SLC26A2: variants seen among roughly 807,000 people sequenced by gnomAD.
SLC26A2 encodes solute carrier family 26 member 2, also known as sulfate transporter.
A neutral mutation model predicts 41.1 loss-of-function variants in SLC26A2; 36 were observed. That is an observed-to-expected ratio of 0.88 (90% CI 0.67 to 1.16). The LOEUF is 1.16. Among genes scored for constraint, SLC26A2 ranks in the 50% most tolerant of loss-of-function variants. The pLI is 0.00. For missense variants in SLC26A2, 796 were observed against 869.6 expected, an observed-to-expected ratio of 0.92 and a Z score of 1.07; for synonymous variants, 291 against 311.6, an observed-to-expected ratio of 0.93 and a Z score of 0.70.
At position 149,980,913 on chromosome 5, in the gene SLC26A2, T is replaced by C. The variant is rs1384352348; in HGVS notation, c.1320T>C (p.Leu440=). 1 of 1,614,066 alleles carries C rather than the reference T, an allele frequency of 6.2e-7. No homozygotes were observed. Among genetic ancestry groups the C allele is most frequent in the African/African-American group, 1.3e-5 (1 of 74,932 alleles). The change falls in exon 3 of 3, where the codon CTT becomes CTC. Residue 440 remains leucine, a synonymous_variant. Coordinates refer to ENST00000286298, the MANE Select transcript of SLC26A2 (RefSeq NM_000112.4). The stretch of plus-strand genomic sequence containing the variant: ...ACTGTTTTACTACTAGTGCAGCTCT[T>C]GCAAAGACATTGGTTAAAGAATCAA... ...FFHCFTTSAA[L]AKTLVKESTG...
rs543222077 is a variant in SLC26A2 at position 149,986,143 on chromosome 5, T to C, written c.*4330T>C. 1.2e-4 allele frequency: 18 copies of C among 152,294 alleles called. No individual in the cohort carries two copies. The highest frequency in any genetic ancestry group is 2.2e-4 in the Non-Finnish European group (15 of 68,022). 9.4% of individuals were successfully genotyped at this position (152,294 alleles called of 1,614,324 possible). A position where few individuals can be genotyped will look rare whatever the true frequency, so the allele number is the denominator to read the frequency against. ...TGGATTTAGGAAGCTGTTAGATCAT[T>C]GAGTGGTGTTGAGAGTGAAGTTTCA... is the stretch of plus-strand genomic sequence containing the variant. On this transcript the variant is annotated 3_prime_UTR_variant, in exon 3 of 3. Transcript: ENST00000286298.
At chr5:149,980,237 A>G in intron 2 of SLC26A2, 56 bp from the exon 3 acceptor site, 1 of 1,391,054 alleles carries the variant, frequency 7.2e-7, no homozygotes, top group Non-Finnish European at 1.0e-6. Flanking sequence ...AGGATAATAT[A>G]AAATTTAGAA....
Position 149,983,507 on chromosome 5 carries a change from T to A in SLC26A2, c.*1694T>A, listed in dbSNP as rs1272380800. The A allele has an allele frequency of 2.0e-5, 3 of 152,212 alleles. No homozygotes were observed. Among genetic ancestry groups the A allele is most frequent in the Non-Finnish European group, 4.4e-5 (3 of 68,040 alleles). The allele number at this position is 152,212 out of a possible 1,614,324, so 9.4% of individuals were successfully genotyped here. A position where few individuals can be genotyped will look rare whatever the true frequency, so the allele number is the denominator to read the frequency against. On this transcript the variant is annotated 3_prime_UTR_variant, in exon 3 of 3. Transcript: ENST00000286298. ...TGCTGCTTGTATTTGTTCTTGTTTG[T>A]TTTTTAGCCAGTATTTGCCCTTTCT...
Position 149,986,041 on chromosome 5 carries a change from C to T in SLC26A2, c.*4228C>T, listed in dbSNP as rs966519286. The stretch of plus-strand genomic sequence containing the variant: ...TTTCTGCTTTTTAATGTTTCTATCC[C>T]CCATCTCAGTGTTTTCTTTATCCAT... On this transcript the variant is annotated 3_prime_UTR_variant, in exon 3 of 3. Coordinates refer to ENST00000286298, the MANE Select transcript of SLC26A2 (RefSeq NM_000112.4). The T allele has an allele frequency of 3.3e-5, 5 of 152,058 alleles. No individual in the cohort carries two copies. Among genetic ancestry groups the T allele is most frequent in the Non-Finnish European group, 7.3e-5 (5 of 68,028 alleles). 9.4% of individuals were successfully genotyped at this position (152,058 alleles called of 1,614,324 possible).
rs139051143 is a variant in SLC26A2 at position 149,980,674 on chromosome 5, G to A, written c.1081G>A (p.Ala361Thr). 539 of 1,614,012 alleles carry A rather than the reference G, an allele frequency of 3.3e-4. No homozygotes were observed. Among genetic ancestry groups the A allele is most frequent in the Non-Finnish European group, 4.3e-4 (510 of 1,179,968 alleles). Residue 361 changes from alanine (A) to threonine (T), a missense_variant, in exon 3 of 3, where the codon GCT becomes ACT. Transcript: ENST00000286298. ...ACATGAAAATTATAATTCTAGTATTGCTGGACATATTCCCACTGGGTTTAT... is the reference window on the plus strand; with the variant it reads ...ACATGAAAATTATAATTCTAGTATTACTGGACATATTCCCACTGGGTTTAT... ...KLHENYNSSI[A>T]GHIPTGFMPP... is the part of the protein sequence containing the mutation.
In SLC26A2 at chr5:149,980,275, C is replaced by T. The variant is rs757567868; in HGVS notation, c.700-18C>T. ...TCTTTTCCATTTATATTTAACACTTCTATATCCTTCCTTCCAGGTAGCGAT... is the reference window on the plus strand; with the variant it reads ...TCTTTTCCATTTATATTTAACACTTTTATATCCTTCCTTCCAGGTAGCGAT... On this transcript the variant is annotated intron_variant, in intron 2 of 2. Transcript: ENST00000286298. 5.0e-6 allele frequency: 8 copies of T among 1,601,648 alleles called. No homozygotes were observed. In the South Asian group the frequency reaches 6.6e-5, roughly 13 times the overall value.
intron 1 of SLC26A2, among the ~76,000 whole-genome samples, chr5:149,961,675 G>A (rs1581223945): frequency 6.6e-6 from 1 of 152,074 alleles, no homozygotes; most frequent in Admixed American, 6.6e-5. Flanking sequence ...ATTGCCTTCC[G>A]GCGCCCATTC....
At position 149,980,546 on chromosome 5, in the gene SLC26A2, C is replaced by A. The variant is rs1343477650; in HGVS notation, c.953C>A (p.Thr318Asn). 4 of 1,614,044 alleles carry A rather than the reference C, an allele frequency of 2.5e-6. No individual in the cohort carries two copies. The African/African-American group carries it at 5.3e-5, about 22-fold the overall frequency. ...SLLCLLVLLPTKELNEHFKSK... is the reference protein window; with the variant it reads ...SLLCLLVLLPNKELNEHFKSK... Reference sequence around the variant, plus strand: ...TTGTGCCTTTTGGTTCTTTTGCCAACCAAAGAACTCAATGAACACTTCAAA... The same window carrying A: ...TTGTGCCTTTTGGTTCTTTTGCCAAACAAAGAACTCAATGAACACTTCAAA... Residue 318 changes from threonine (T) to asparagine (N), a missense_variant, in exon 3 of 3, where the codon ACC (threonine) becomes AAC (asparagine). By Grantham distance (65) the Thr-to-Asn change is moderately conservative. Transcript: ENST00000286298.
Position 149,978,082 on chromosome 5 carries a change from T to C in SLC26A2, c.430T>C (p.Ser144Pro). 6.2e-7 allele frequency: 1 copy of C among 1,604,804 alleles called. No homozygotes were observed. Among genetic ancestry groups the C allele is most frequent in the Non-Finnish European group, 8.5e-7 (1 of 1,174,872 alleles). ...GQEPVYGLYT[S>P]FFASIIYFLL... ...AGAACCTGTCTATGGTCTGTACACA[T>C]CTTTTTTTGCCAGCATCATTTATTT... Residue 144 changes from serine to proline, a missense_variant, in exon 2 of 3, where the codon TCT becomes CCT. By Grantham distance (74) the Ser-to-Pro change is moderately conservative. Coordinates refer to ENST00000286298, the MANE Select transcript of SLC26A2 (RefSeq NM_000112.4).
rs886060245 is a variant in SLC26A2, at chr5:149,985,074, A to C, written c.*3261A>C. On this transcript the variant is annotated 3_prime_UTR_variant, in exon 3 of 3. Coordinates refer to ENST00000286298, the MANE Select transcript of SLC26A2 (RefSeq NM_000112.4). ...CCAATCCCTGGTTAGCCTCTACACA[A>C]TAATAGGGAGACAAGGATTAGGAGC... is the stretch of plus-strand genomic sequence containing the variant. 2 of 152,206 alleles carry C rather than the reference A, an allele frequency of 1.3e-5. No individual in the cohort carries two copies. Among genetic ancestry groups the C allele is most frequent in the African/African-American group, 2.4e-5 (1 of 41,450 alleles). 9.4% of individuals were successfully genotyped at this position (152,206 alleles called of 1,614,324 possible).
chr5:149,966,236 C>T (rs959838824), intron 1 of SLC26A2, among the ~76,000 whole-genome samples: 10 of 152,154 alleles, frequency 6.6e-5, no homozygotes, highest in African/African-American at 1.9e-4. Context: ...AAAATCATGG[C>T]GGTTGGATTT....
At chr5:149,968,744 A>C (rs1581227036) in intron 1 of SLC26A2, among the ~76,000 whole-genome samples, 1 of 143,852 alleles carries the variant, frequency 7.0e-6, no homozygotes, top group Non-Finnish European at 1.5e-5. Flanking sequence ...TTTGAGACGG[A>C]CTCTCGGTCT....
In SLC26A2 at chr5:149,980,955, G is replaced by A. The variant is rs2113698636; in HGVS notation, c.1362G>A (p.Gln454=). Residue 454 remains glutamine, a synonymous_variant, in exon 3 of 3, where the codon CAG becomes CAA. Transcript: ENST00000286298. ...LVKESTGCHT[Q]LSGVVTALVL... ...AAGAATCAACAGGCTGCCATACTCA[G>A]CTTTCTGGTGTGGTAACAGCCCTGG... 1.2e-6 allele frequency: 2 copies of A among 1,614,146 alleles called. No homozygotes were observed. Among genetic ancestry groups the A allele is most frequent in the Non-Finnish European group, 1.7e-6 (2 of 1,180,022 alleles).
rs1755149685 is a variant in SLC26A2 at position 149,983,961 on chromosome 5, A to C, written c.*2148A>C. 6.6e-6 allele frequency: 1 copy of C among 152,272 alleles called. No homozygotes were observed. Among genetic ancestry groups the C allele is most frequent in the African/African-American group, 2.4e-5 (1 of 41,476 alleles). 9.4% of individuals were successfully genotyped at this position (152,272 alleles called of 1,614,324 possible). On this transcript the variant is annotated 3_prime_UTR_variant, in exon 3 of 3. Transcript: ENST00000286298. ...TTATAGGTGTCTAATAACCTGTGAC[A>C]GAGTAATGAGTACATGCTTAAGATG...
intron 1 of SLC26A2, among the ~76,000 whole-genome samples, chr5:149,975,329 C>G (rs1044569714): frequency 1.3e-5 from 2 of 152,146 alleles, no homozygotes; most frequent in Non-Finnish European, 2.9e-5. Context: ...TTTTTTCTTA[C>G]AGTTTCCATT....
chr5:149,977,524 A>G (rs1056017172), intron 1 of SLC26A2, 104 bp from the exon 2 acceptor site: 3 of 733,852 alleles, frequency 4.1e-6, no homozygotes, highest in Non-Finnish European at 7.3e-6. Context: ...CTATTCCAAA[A>G]CTGAATTCCT....
At position 149,980,611 on chromosome 5, in the gene SLC26A2, G is replaced by A. The variant is rs1755078983; in HGVS notation, c.1018G>A (p.Val340Ile). The A allele has an allele frequency of 6.2e-7, 1 of 1,614,122 alleles. No individual in the cohort carries two copies. ...ACCGATTCCTATTGAACTTGTTGTTGTTGTAGCAGCCACATTAGCCTCTCA... is the reference window on the plus strand; with the variant it reads ...ACCGATTCCTATTGAACTTGTTGTTATTGTAGCAGCCACATTAGCCTCTCA... ...KAPIPIELVV[V>I]VAATLASHFG... Residue 340 changes from valine (V) to isoleucine (I), a missense_variant, in exon 3 of 3, where the codon GTT becomes ATT. By Grantham distance (29) the Val-to-Ile change is conservative. Transcript: ENST00000286298.
chr5:149,974,059 G>A (rs139159989), intron 1 of SLC26A2, among the ~76,000 whole-genome samples: 4 of 152,302 alleles, frequency 2.6e-5, no homozygotes, highest in African/African-American at 7.2e-5. Context: ...TGAGGTGGGA[G>A]AATCACTTGA....
chr5:149,963,955 A>G (rs1754759919), intron 1 of SLC26A2, among the ~76,000 whole-genome samples: 1 of 152,036 alleles, frequency 6.6e-6, no homozygotes, highest in South Asian at 2.1e-4. Context: ...CAATGAGCAA[A>G]GGCCCCAAGG....
Sources: allele counts gnomAD v4.1 joint callset (sites outside exome capture counted in the v4.1 genomes callset), GRCh38; gene constraint gnomAD v4.1.1; transcripts MANE v1.5; gene names NCBI Gene and HGNC (gene_info 2026-07-23, HGNC 2026-07-21).